GALNT14: variants seen among roughly 807,000 people sequenced by gnomAD.
GALNT14 encodes the protein UDP-GalNAc:polypeptide N-acetylgalactosaminyltransferase 14.
A neutral mutation model predicts 77.5 loss-of-function variants in GALNT14; 60 were observed. The ratio of observed to expected loss-of-function variants is 0.77; its 90% CI spans 0.63 to 0.96. The LOEUF is 0.96. Among genes scored for constraint, GALNT14 ranks in the 40% least tolerant of loss-of-function variants. GALNT14 has a pLI of 0.00. For missense variants in GALNT14, 710 were observed against 731.0 expected, an observed-to-expected ratio of 0.97 and a Z score of 0.33; for synonymous variants, 280 against 281.7, an observed-to-expected ratio of 0.99 and a Z score of 0.06.
At chr2:31,012,057 A>G (rs761941680) in intron 1 of GALNT14, among the ~76,000 whole-genome samples, 2 of 152,240 alleles carry the variant, frequency 1.3e-5, no homozygotes, top group Non-Finnish European at 2.9e-5. Flanking sequence ...CCTTGGTGAC[A>G]GTTTCCAGTA....
At chr2:31,079,848 G>A (rs943867713) in intron 1 of GALNT14, among the ~76,000 whole-genome samples, 3 of 152,076 alleles carry the variant, frequency 2.0e-5, no homozygotes, top group Admixed American at 6.6e-5. Flanking sequence ...CCCCTACTGT[G>A]GCTACTCCCT....
In GALNT14 at chr2:30,924,170, G is replaced by T; in HGVS notation, c.1329C>A (p.Asn443Lys). ...SQRQNNQETP[N>K]LKLSPCAKVK... is the part of the protein sequence containing the mutation. ...CCTTGGCACAGGGGCTCAACTTTAG[G>T]TTTGGGGTTTCTTGGTTGTTCTGCC... Residue 443 changes from asparagine (N) to lysine (K), a missense_variant, in exon 13 of 15, where the codon AAC (asparagine) becomes AAA (lysine). Asn to Lys is a moderately conservative substitution (Grantham distance 94, BLOSUM62 0). Transcript: ENST00000349752. 2 of 1,614,186 alleles carry T rather than the reference G, an allele frequency of 1.2e-6. No individual in the cohort carries two copies. The highest frequency in any genetic ancestry group is 1.7e-6 in the Non-Finnish European group (2 of 1,180,040).
intron 8 of GALNT14, among the ~76,000 whole-genome samples, chr2:30,944,142 G>A (rs763713268): frequency 7.9e-5 from 12 of 152,104 alleles, no homozygotes; most frequent in Non-Finnish European, 1.3e-4. Flanking sequence ...CAAGAGGCCC[G>A]GGACTGGTTT....
intron 1 of GALNT14, among the ~76,000 whole-genome samples, chr2:31,117,019 A>G (rs930762912): frequency 6.6e-6 from 1 of 152,164 alleles, no homozygotes; most frequent in African/African-American, 2.4e-5. Context: ...CCTGGGCAAC[A>G]AGAGCGAAAC....
At chr2:30,981,434 G>C (rs776611893) in intron 2 of GALNT14, among the ~76,000 whole-genome samples, 1 of 152,192 alleles carries the variant, frequency 6.6e-6, no homozygotes, top group African/African-American at 2.4e-5. Context: ...TAATAGGTCC[G>C]GGGCTTTCAG....
intron 1 of GALNT14, among the ~76,000 whole-genome samples, chr2:31,127,978 A>G (rs559074137): frequency 6.6e-6 from 1 of 152,288 alleles, no homozygotes; most frequent in South Asian, 2.1e-4. Context: ...GACAAGAGTA[A>G]AAAAGTCATG....
At chr2:30,957,617 C>CAATG (rs1236252248) in intron 4 of GALNT14, among the ~76,000 whole-genome samples, 1 of 152,174 alleles carries the variant, frequency 6.6e-6, no homozygotes, top group Non-Finnish European at 1.5e-5. Context: ...GAGGCAGCAC[C>CAATG]AATGGGTAGG....
At chr2:31,088,893 T>C (rs150131962) in intron 1 of GALNT14, among the ~76,000 whole-genome samples, 76 of 152,164 alleles carry the variant, frequency 5.0e-4, no homozygotes, top group Non-Finnish European at 7.9e-4. Context: ...TGGCTTTAGA[T>C]AAGAGGAGGG....
chr2:30,969,997 A>G (rs74681802), intron 2 of GALNT14, among the ~76,000 whole-genome samples: 3,450 of 152,322 alleles, frequency 0.023, 147 homozygotes, highest in East Asian at 0.21. Flanking sequence ...CATCTGGAAA[A>G]TGGAGATAAC....
At chr2:30,949,257 T>C (rs1666883173) in intron 6 of GALNT14, among the ~76,000 whole-genome samples, 1 of 152,158 alleles carries the variant, frequency 6.6e-6, no homozygotes, top group African/African-American at 2.4e-5. Context: ...CAATCTGTGC[T>C]GGCTAAAAGA....
At chr2:30,910,246 C>G (rs1002282349), downstream of GALNT14, among the ~76,000 whole-genome samples, 3 of 152,010 alleles carry the variant, frequency 2.0e-5, no homozygotes, top group Non-Finnish European at 4.4e-5. Context: ...TCTGGTCCCA[C>G]TCTCCTAATT....
intron 1 of GALNT14, among the ~76,000 whole-genome samples, chr2:31,130,080 G>A (rs1396966941): frequency 2.0e-5 from 3 of 152,186 alleles, no homozygotes; most frequent in African/African-American, 7.2e-5. Flanking sequence ...GATCTCTGTA[G>A]TGCTTACAGT....
intron 1 of GALNT14, among the ~76,000 whole-genome samples, chr2:31,059,193 T>C (rs1306470209): frequency 3.3e-5 from 5 of 152,232 alleles, no homozygotes; most frequent in Admixed American, 2.0e-4. Context: ...CTTGGTTTTA[T>C]AGGGAAAAGT....
chr2:31,105,808 G>A (rs189217137), intron 1 of GALNT14, among the ~76,000 whole-genome samples: 61 of 152,180 alleles, frequency 4.0e-4, no homozygotes, highest in African/African-American at 1.4e-3. Flanking sequence ...ACTGCTTTCG[G>A]ACGAAGGAGT....
chr2:30,956,003 T>C (rs140625531), intron 4 of GALNT14, 26 bp from the exon 5 acceptor site: 42 of 1,613,376 alleles, frequency 2.6e-5, no homozygotes, highest in South Asian at 2.0e-4. Context: ...GTTAAGCCAA[T>C]TGAGCGCCCA....
rs572680836 is a variant in GALNT14 at position 30,981,067 on chromosome 2, G to A, written c.299+11771C>T. Among the ~76,000 whole-genome samples, 7 of 152,338 alleles carry A rather than the reference G, an allele frequency of 4.6e-5. No individual in the cohort carries two copies. The South Asian group carries it at 6.2e-4, about 14-fold the overall frequency. ...GCTAAAGAAATACAAGGCATGAAGA[G>A]TCTTACTCTAAGGGCTTACTGCATG... On this transcript the variant is annotated intron_variant, in intron 2 of 14. Transcript: ENST00000349752.
intron 2 of GALNT14, among the ~76,000 whole-genome samples, chr2:30,981,260 A>C (rs1313402986): frequency 3.9e-5 from 6 of 152,246 alleles, no homozygotes; most frequent in African/African-American, 1.4e-4. Flanking sequence ...GGCAAATGGT[A>C]ATGGAACTTG....
intron 1 of GALNT14, among the ~76,000 whole-genome samples, chr2:31,045,139 T>TA (rs965353619): frequency 1.3e-5 from 2 of 152,212 alleles, no homozygotes; most frequent in Admixed American, 1.3e-4. Context: ...GGGATGAGAC[T>TA]ACTGAAGGAT....
At chr2:30,989,583 A>ATATATATATATATATATATAAAT (rs56703340) in intron 2 of GALNT14, among the ~76,000 whole-genome samples, 12 of 91,834 alleles carry the variant, frequency 1.3e-4, no homozygotes, top group Non-Finnish European at 2.4e-4. Flanking sequence ...TATATATATA[A>ATATATATATATATATATATAAAT]AAATATATAT....
Sources: gnomAD v4.1 joint callset for allele counts (sites outside exome capture counted in the v4.1 genomes callset) on GRCh38, gnomAD v4.1.1 for gene constraint, MANE v1.5 for transcripts, NCBI Gene and HGNC (gene_info 2026-07-23, HGNC 2026-07-21) for gene names.